ASTN2: variants seen among roughly 807,000 people sequenced by gnomAD.
The protein encoded by ASTN2 is astrotactin-2.
Under a neutral mutation model 139.8 loss-of-function variants are expected in ASTN2, and 54 were observed. That is an observed-to-expected ratio of 0.39 (90% CI 0.31 to 0.48). The LOEUF (loss-of-function observed/expected upper bound fraction) is 0.48. ASTN2 is among the 20% of genes least tolerant of loss of function. The pLI, the probability that ASTN2 is intolerant of heterozygous loss-of-function variation, is 0.95. For synonymous variants in ASTN2, 756 were observed against 719.5 expected, an observed-to-expected ratio of 1.05 and a Z score of -0.81; for missense variants, 1,565 against 1,725.1, an observed-to-expected ratio of 0.91 and a Z score of 1.64.
At chr9:116,591,902 G>A (rs1854393616) in intron 19 of ASTN2, among the ~76,000 whole-genome samples, 2 of 152,104 alleles carry the variant, frequency 1.3e-5, no homozygotes, top group Non-Finnish European at 2.9e-5. Context: ...TACTTCCATA[G>A]AAATTTCAAA....
At position 117,083,631 on chromosome 9, in the gene ASTN2, G is replaced by A. The variant is rs150265407; in HGVS notation, c.1276+12413C>T. On this transcript the variant is annotated intron_variant, in intron 5 of 22. Coordinates refer to ENST00000313400, the MANE Select transcript of ASTN2 (RefSeq NM_001365068.1). ...ATGACAGAGTATTCTTGCTTGGGGC[G>A]GGAAGCAAAGAGTCACAGTCTCTCA... is the stretch of plus-strand genomic sequence containing the variant. 3.6e-3 allele frequency among the ~76,000 whole-genome samples: 543 copies of A among 152,264 alleles called. 1 individual carries two copies. The highest frequency in any genetic ancestry group is 0.013 in the African/African-American group (520 of 41,550).
chr9:117,062,688 G>A (rs138976324), intron 5 of ASTN2, among the ~76,000 whole-genome samples: 169 of 152,264 alleles, frequency 1.1e-3, no homozygotes, highest in African/African-American at 3.7e-3. Flanking sequence ...TGGTAATGGT[G>A]TAAGTGAGTG....
intron 19 of ASTN2, among the ~76,000 whole-genome samples, chr9:116,500,523 A>G (rs7031218): frequency 0.72 from 108,906 of 152,130 alleles, 40,120 homozygotes; most frequent in Middle Eastern, 0.81. Context: ...CAAGGAACCC[A>G]CCCTTACTGT....
Position 116,644,591 on chromosome 9 carries a change from C to T in ASTN2, c.3072+6937G>A, listed in dbSNP as rs1857499115. Among the ~76,000 whole-genome samples the T allele has an allele frequency of 2.0e-5, 3 of 152,188 alleles. No individual in the cohort carries two copies. In the South Asian group the frequency reaches 6.2e-4, roughly 32 times the overall value. On this transcript the variant is annotated intron_variant, in intron 17 of 22. Coordinates refer to ENST00000313400, the MANE Select transcript of ASTN2 (RefSeq NM_001365068.1). The stretch of plus-strand genomic sequence containing the variant: ...ATGTGACCTGAAAAAACTCAGTCCT[C>T]AGCTCTGTTCTTAGTTTTACTATCT...
chr9:116,701,102 G>A (rs1861149425), intron 16 of ASTN2: 1 of 167,080 alleles, frequency 6.0e-6, no homozygotes, highest in African/African-American at 2.4e-5. Context: ...TGAGGGTTTG[G>A]TGTTTACTAA....
At chr9:116,558,434 G>A (rs1176949472) in intron 19 of ASTN2, among the ~76,000 whole-genome samples, 1 of 152,004 alleles carries the variant, frequency 6.6e-6, no homozygotes, top group African/African-American at 2.4e-5. Flanking sequence ...CAGTCAGTGA[G>A]TGACTGAGCC....
intron 19 of ASTN2, among the ~76,000 whole-genome samples, chr9:116,541,710 T>C (rs910756897): frequency 6.6e-6 from 1 of 152,164 alleles, no homozygotes; most frequent in African/African-American, 2.4e-5. Context: ...ACTGAGAGAA[T>C]AGCACATGTG....
chr9:116,767,566 T>A (rs1360483176), intron 13 of ASTN2, among the ~76,000 whole-genome samples: 1 of 152,204 alleles, frequency 6.6e-6, no homozygotes, highest in East Asian at 1.9e-4. Context: ...ATAAAGCGTG[T>A]GGCTGTGAGC....
chr9:116,786,434 A>G (rs1255806904), intron 13 of ASTN2, among the ~76,000 whole-genome samples: 1 of 152,190 alleles, frequency 6.6e-6, no homozygotes, highest in East Asian at 1.9e-4. Flanking sequence ...GTGTCATAGA[A>G]TAAGTGCTCA....
At chr9:116,737,297 G>A (rs1326542543) in intron 13 of ASTN2, among the ~76,000 whole-genome samples, 1 of 152,194 alleles carries the variant, frequency 6.6e-6, no homozygotes, top group Non-Finnish European at 1.5e-5. Flanking sequence ...GGATGAGAGA[G>A]TAGCTGCTGG....
chr9:116,668,593 T>G (rs1287489133), intron 16 of ASTN2, among the ~76,000 whole-genome samples: 1 of 152,250 alleles, frequency 6.6e-6, no homozygotes, highest in Non-Finnish European at 1.5e-5. Flanking sequence ...ATTGTCTGGA[T>G]GTACCACAAG....
chr9:117,381,343 C>T (rs531679775), intron 1 of ASTN2, among the ~76,000 whole-genome samples: 1 of 152,122 alleles, frequency 6.6e-6, no homozygotes, highest in African/African-American at 2.4e-5. Context: ...TTTGCCTCAT[C>T]CAATATGAGA....
At chr9:116,633,064 G>A (rs560221044) in intron 17 of ASTN2, among the ~76,000 whole-genome samples, 3 of 152,310 alleles carry the variant, frequency 2.0e-5, no homozygotes, top group Non-Finnish European at 4.4e-5. Flanking sequence ...CTCAGTCATC[G>A]GGGCAATAGA....
At chr9:116,818,095 C>A (rs4837900) in intron 12 of ASTN2, among the ~76,000 whole-genome samples, 1 of 152,018 alleles carries the variant, frequency 6.6e-6, no homozygotes, top group Non-Finnish European at 1.5e-5. Flanking sequence ...ATAGTAACAT[C>A]GCTTGTAGAA....
At position 116,733,635 on chromosome 9, in the gene ASTN2, T is replaced by C. The variant is rs537881789; in HGVS notation, c.2397-112A>G. 5.0e-5 allele frequency: 69 copies of C among 1,374,182 alleles called. No individual in the cohort carries two copies. The African/African-American group carries it at 9.7e-4, about 19-fold the overall frequency. 85.1% of individuals were successfully genotyped at this position (1,374,182 alleles called of 1,614,324 possible). ...GAATAAAGACTCATGGTGGGGTGAC[T>C]TTGCTGTAATGCCTCTGGTTTCCTG... On this transcript the variant is annotated intron_variant, in intron 13 of 22. Coordinates refer to ENST00000313400, the MANE Select transcript of ASTN2 (RefSeq NM_001365068.1).
intron 16 of ASTN2, among the ~76,000 whole-genome samples, chr9:116,665,367 A>G (rs1256105541): frequency 6.6e-6 from 1 of 152,176 alleles, no homozygotes; most frequent in Non-Finnish European, 1.5e-5. Context: ...ACGGACAACT[A>G]ATTCAGGTAT....
At chr9:117,302,948 A>G (rs1834911827) in intron 1 of ASTN2, among the ~76,000 whole-genome samples, 1 of 152,164 alleles carries the variant, frequency 6.6e-6, no homozygotes, top group African/African-American at 2.4e-5. Flanking sequence ...CTTACCTCTT[A>G]GCCTTTGTTC....
intron 13 of ASTN2, among the ~76,000 whole-genome samples, chr9:116,758,700 G>A (rs1043930628): frequency 4.6e-5 from 7 of 152,018 alleles, no homozygotes; most frequent in Admixed American, 2.0e-4. Flanking sequence ...CTGTGGCCTC[G>A]GAGCTTTCTC....
At chr9:116,923,053 G>T (rs1834657819) in intron 10 of ASTN2, among the ~76,000 whole-genome samples, 1 of 152,256 alleles carries the variant, frequency 6.6e-6, no homozygotes, top group South Asian at 2.1e-4. Flanking sequence ...AACAGGTAAG[G>T]TTCAACAATG....
Sources: gnomAD v4.1 joint callset for allele counts (sites outside exome capture counted in the v4.1 genomes callset) on GRCh38, gnomAD v4.1.1 for gene constraint, MANE v1.5 for transcripts, NCBI Gene and HGNC (gene_info 2026-07-23, HGNC 2026-07-21) for gene names.